Variants in MAP3K20 observed in about 807,000 individuals in gnomAD.
The protein encoded by MAP3K20 is mitogen-activated protein kinase kinase kinase 20.
In MAP3K20, 40 loss-of-function variants were observed where a neutral mutation model predicts 85.7. The observed-to-expected ratio is 0.47, with a 90% CI of 0.36 to 0.61. MAP3K20 has a LOEUF of 0.61. MAP3K20 is among the 20% of genes least tolerant of loss of function. MAP3K20 has a pLI of 0.00. For synonymous variants in MAP3K20, 325 were observed against 327.7 expected, an observed-to-expected ratio of 0.99 and a Z score of 0.09; for missense variants, 817 against 961.7, an observed-to-expected ratio of 0.85 and a Z score of 1.99.
At chr2:173,201,008 T>C (rs1186742596) in intron 8 of MAP3K20, among the ~76,000 whole-genome samples, 2 of 152,176 alleles carry the variant, frequency 1.3e-5, no homozygotes, top group Admixed American at 1.3e-4. Context: ...GGTGAAATCT[T>C]ACATGTCTGT....
chr2:173,108,576 C>G (rs1224093409), intron 2 of MAP3K20, among the ~76,000 whole-genome samples: 1 of 151,874 alleles, frequency 6.6e-6, no homozygotes, highest in African/African-American at 2.4e-5. Flanking sequence ...AGGTATTGTT[C>G]CATGTATAAG....
chr2:173,091,072 A>G lies in MAP3K20; in HGVS notation c.41A>G (p.Asp14Gly). 6.2e-7 allele frequency: 1 copy of G among 1,613,944 alleles called. No homozygotes were observed. The highest frequency in any genetic ancestry group is 8.5e-7 in the Non-Finnish European group (1 of 1,179,938). ...LGASFVQIKF[D>G]DLQFFENCGG... is the part of the protein sequence containing the mutation. ...GCCTCCTTTGTGCAAATTAAATTTG[A>G]TGACTTGCAGTTTTTTGAAAACTGC... is the stretch of plus-strand genomic sequence containing the variant. The change falls in exon 2 of 20, where the codon GAT (aspartate) becomes GGT (glycine). Residue 14 changes from aspartate (D) to glycine (G), a missense_variant. Physicochemically the swap from Asp to Gly is moderately conservative, Grantham distance 94 (BLOSUM62 -1). Transcript: ENST00000375213.
chr2:173,184,565 A>G (rs965098058), intron 4 of MAP3K20, among the ~76,000 whole-genome samples: 6 of 152,154 alleles, frequency 3.9e-5, no homozygotes, highest in Non-Finnish European at 8.8e-5. Flanking sequence ...TTTTCTCAAG[A>G]GTGCTAGTGC....
chr2:173,191,155 G>A lies in MAP3K20; in HGVS notation c.560G>A (p.Cys187Tyr). 6.2e-7 allele frequency: 1 copy of A among 1,613,934 alleles called. No homozygotes were observed. Among genetic ancestry groups the A allele is most frequent in the Non-Finnish European group, 8.5e-7 (1 of 1,179,900 alleles). Residue 187 changes from cysteine (C) to tyrosine (Y), a missense_variant, in exon 7 of 20, where the codon TGT (cysteine) becomes TAT (tyrosine). By Grantham distance (194) the Cys-to-Tyr change is radical. Coordinates refer to ENST00000375213, the MANE Select transcript of MAP3K20 (RefSeq NM_016653.3). Reference protein sequence around the residue: ...VIQSLPVSETCDTYSYGVVLW... With the variant: ...VIQSLPVSETYDTYSYGVVLW... Reference sequence around the variant, plus strand: ...CAGAGTCTCCCTGTGTCAGAAACTTGTGACACATATTCCTATGGTGTGGTG... The same window carrying A: ...CAGAGTCTCCCTGTGTCAGAAACTTATGACACATATTCCTATGGTGTGGTG...
intron 2 of MAP3K20, among the ~76,000 whole-genome samples, chr2:173,126,121 A>G (rs1174161896): frequency 6.6e-6 from 1 of 152,206 alleles, no homozygotes; most frequent in Non-Finnish European, 1.5e-5. Flanking sequence ...AACATGTTTA[A>G]TCCAAAGGAT....
chr2:173,170,338 G>C (rs1378100030), intron 3 of MAP3K20, among the ~76,000 whole-genome samples: 1 of 152,116 alleles, frequency 6.6e-6, no homozygotes. Flanking sequence ...ATATTTTTCA[G>C]GTTTGGTCAA....
intron 11 of MAP3K20, chr2:173,221,149 G>T: frequency 6.7e-7 from 1 of 1,483,250 alleles, no homozygotes. Context: ...CCTTTTGATA[G>T]CTTCTCTTGC....
chr2:173,183,301 CT>C lies in MAP3K20; in HGVS notation c.349+347del, dbSNP rs1312145315. Among the ~76,000 whole-genome samples the C allele has an allele frequency of 2.0e-5, 3 of 152,238 alleles. No homozygotes were observed. In the East Asian group the frequency reaches 5.8e-4, roughly 29 times the overall value. On this transcript the variant is annotated intron_variant, in intron 4 of 19. Coordinates refer to ENST00000375213, the MANE Select transcript of MAP3K20 (RefSeq NM_016653.3). Reference sequence around the variant, plus strand: ...CATAGTTCTGTTGTTCTGAAAGTCTCTACTTAGACTCAGTATCCAGAAAACA... The same window carrying C: ...CATAGTTCTGTTGTTCTGAAAGTCTCACTTAGACTCAGTATCCAGAAAACA...
intron 3 of MAP3K20, among the ~76,000 whole-genome samples, chr2:173,172,482 A>G (rs950522588): frequency 2.0e-5 from 3 of 152,236 alleles, no homozygotes; most frequent in African/African-American, 7.2e-5. Context: ...ATTCTGCCAG[A>G]GCTTCATAGA....
intron 2 of MAP3K20, among the ~76,000 whole-genome samples, chr2:173,113,884 C>T (rs1044142814): frequency 3.3e-5 from 5 of 151,788 alleles, no homozygotes; most frequent in Non-Finnish European, 7.4e-5. Flanking sequence ...TGAAATATTC[C>T]GTATATATCT....
Position 173,195,396 on chromosome 2 carries a change from G to T in MAP3K20, c.583-2630G>T, listed in dbSNP as rs568008192. Among the ~76,000 whole-genome samples the T allele has an allele frequency of 3.5e-4, 53 of 152,238 alleles. No homozygotes were observed. In the Middle Eastern group the frequency reaches 0.014, roughly 39 times the overall value. On this transcript the variant is annotated intron_variant, in intron 7 of 19. Transcript: ENST00000375213. ...GGAAAAGAAAGGGCAGAAAAAGTAC[G>T]TAGTCTTTTCCAAGTTTCTATTCTG... is the stretch of plus-strand genomic sequence containing the variant.
At chr2:173,127,386 T>G (rs1688473752) in intron 2 of MAP3K20, among the ~76,000 whole-genome samples, 1 of 152,218 alleles carries the variant, frequency 6.6e-6, no homozygotes, top group Non-Finnish European at 1.5e-5. Flanking sequence ...AATAATTTAT[T>G]CAGAAACAGA....
Position 173,263,856 on chromosome 2 carries a change from A to T in MAP3K20, c.1663A>T (p.Thr555Ser). ...AVQLAIQTLF[T>S]NSDGNPGSRS... ...CCAACTTGCCATTCAGACATTATTCACCAATTCAGATGGCAACCCTGGAAG... is the reference window on the plus strand; with the variant it reads ...CCAACTTGCCATTCAGACATTATTCTCCAATTCAGATGGCAACCCTGGAAG... The change falls in exon 19 of 20, where the codon ACC (threonine) becomes TCC (serine). Residue 555 changes from threonine to serine, a missense_variant. By Grantham distance (58) the Thr-to-Ser change is moderately conservative (BLOSUM62 1). Coordinates refer to ENST00000375213, the MANE Select transcript of MAP3K20 (RefSeq NM_016653.3). 6.2e-7 allele frequency: 1 copy of T among 1,613,372 alleles called. No homozygotes were observed. The highest frequency in any genetic ancestry group is 8.5e-7 in the Non-Finnish European group (1 of 1,179,844).
intron 1 of MAP3K20, among the ~76,000 whole-genome samples, chr2:173,079,291 A>G (rs1348730122): frequency 6.6e-6 from 1 of 152,218 alleles, no homozygotes; most frequent in East Asian, 1.9e-4. Flanking sequence ...ATCAAAGATA[A>G]AAAATGGTAC....
chr2:173,175,482 G>A (rs1312581755), intron 3 of MAP3K20, among the ~76,000 whole-genome samples: 2 of 152,124 alleles, frequency 1.3e-5, no homozygotes, highest in Non-Finnish European at 2.9e-5. Context: ...GAGGAACTTT[G>A]TGTTTGTAAA....
intron 14 of MAP3K20, 108 bp from the exon 15 acceptor site, chr2:173,238,265 T>C (rs1684698499): frequency 7.8e-6 from 7 of 892,640 alleles, no homozygotes; most frequent in South Asian, 5.1e-5. Context: ...GCCCCCAAGA[T>C]ATTTTATGAA....
intron 1 of MAP3K20, among the ~76,000 whole-genome samples, chr2:173,083,226 C>T (rs1687057219): frequency 1.3e-5 from 2 of 152,108 alleles, no homozygotes; most frequent in Admixed American, 1.3e-4. Flanking sequence ...ATTTACTGAA[C>T]CCAACCTACT....
intron 1 of MAP3K20, among the ~76,000 whole-genome samples, chr2:173,081,687 G>T (rs993347010): frequency 2.2e-4 from 34 of 152,126 alleles, no homozygotes; most frequent in African/African-American, 8.0e-4. Context: ...CACCCAGTTT[G>T]GGAGGAGAAA....
Position 173,232,576 on chromosome 2 carries a change from T to A in MAP3K20, c.1203+117T>A, listed in dbSNP as rs569309348. On this transcript the variant is annotated intron_variant, in intron 14 of 19. Coordinates refer to ENST00000375213, the MANE Select transcript of MAP3K20 (RefSeq NM_016653.3). ...TGGAGTGCAAAGGCACAATCTTGGC[T>A]CGTTGCACCCTCCGCCTCCTGGGTT... 81 of 1,457,822 alleles carry A rather than the reference T, an allele frequency of 5.6e-5. No individual in the cohort carries two copies. In the South Asian group the frequency reaches 1.0e-3, roughly 18 times the overall value. 90.3% of individuals were successfully genotyped at this position (1,457,822 alleles called of 1,614,324 possible). A position where few individuals can be genotyped will look rare whatever the true frequency, so the allele number is the denominator to read the frequency against.
Sources: gnomAD v4.1 joint callset for allele counts (sites outside exome capture counted in the v4.1 genomes callset) on GRCh38, gnomAD v4.1.1 for gene constraint, MANE v1.5 for transcripts, NCBI Gene and HGNC (gene_info 2026-07-23, HGNC 2026-07-21) for gene names.